The following GAB2 variants were observed in gnomAD, a reference collection of about 807,000 sequenced individuals.
GAB2 encodes the protein GRB2-associated-binding protein 2.
In GAB2, 26 loss-of-function variants were observed where a neutral mutation model predicts 65.5. The observed-to-expected ratio is 0.40, with a 90% CI of 0.29 to 0.55. The LOEUF is 0.55. Ranked by LOEUF, GAB2 falls within the 20% of genes least tolerant of loss-of-function variation. The pLI is 0.53. For missense variants in GAB2, 884 were observed against 875.8 expected (o/e 1.01, Z -0.12); for synonymous variants, 321 against 329.6 (o/e 0.97, Z 0.28).
intron 1 of GAB2, among the ~76,000 whole-genome samples, chr11:78,307,099 A>C (rs1051608885): frequency 6.6e-6 from 1 of 152,222 alleles, no homozygotes; most frequent in Non-Finnish European, 1.5e-5. Context: ...AAGCATTCTA[A>C]GAAAAGTTAG....
chr11:78,396,038 G>A (rs992798295), intron 1 of GAB2, among the ~76,000 whole-genome samples: 9 of 152,178 alleles, frequency 5.9e-5, no homozygotes, highest in Non-Finnish European at 1.2e-4. Context: ...TCTTGCAGGT[G>A]AATGCTGATC....
At chr11:78,321,600 T>C (rs1157329009) in intron 1 of GAB2, among the ~76,000 whole-genome samples, 1 of 152,130 alleles carries the variant, frequency 6.6e-6, no homozygotes, top group Admixed American at 6.6e-5. Flanking sequence ...TTTATAAACA[T>C]TGTACTAGAG....
intron 1 of GAB2, among the ~76,000 whole-genome samples, chr11:78,335,847 A>G (rs1461048598): frequency 2.0e-5 from 3 of 152,084 alleles, no homozygotes; most frequent in African/African-American, 7.2e-5. Context: ...AACAATATTA[A>G]TTCTTCCAAT....
intron 1 of GAB2, among the ~76,000 whole-genome samples, chr11:78,340,542 T>G (rs1199206972): frequency 6.8e-6 from 1 of 146,188 alleles, no homozygotes; most frequent in Non-Finnish European, 1.5e-5. Flanking sequence ...ATTCCACAAA[T>G]GAAGATGAAC....
At chr11:78,413,404 G>C (rs889890988) in intron 1 of GAB2, among the ~76,000 whole-genome samples, 1 of 152,194 alleles carries the variant, frequency 6.6e-6, no homozygotes, top group Non-Finnish European at 1.5e-5. Flanking sequence ...TGTCAGCCAA[G>C]ATAAGAGGAA....
intron 2 of GAB2, among the ~76,000 whole-genome samples, chr11:78,252,010 T>C (rs936124359): frequency 6.6e-6 from 1 of 152,282 alleles, no homozygotes; most frequent in Non-Finnish European, 1.5e-5. Context: ...TTTAAAGATG[T>C]AATCTTAGGC....
chr11:78,414,981 C>T (rs953949086), intron 1 of GAB2, among the ~76,000 whole-genome samples: 1 of 152,184 alleles, frequency 6.6e-6, no homozygotes, highest in Non-Finnish European at 1.5e-5. Context: ...ACGCGATTCT[C>T]ATGTCTCAGC....
chr11:78,297,405 T>C (rs1866862148), intron 1 of GAB2, among the ~76,000 whole-genome samples: 1 of 152,192 alleles, frequency 6.6e-6, no homozygotes, highest in Non-Finnish European at 1.5e-5. Context: ...AGAATATCCA[T>C]ATTTTTTGGG....
intron 1 of GAB2, among the ~76,000 whole-genome samples, chr11:78,410,992 T>TA (rs35722647): frequency 0.17 from 24,504 of 146,908 alleles, 2,534 homozygotes; most frequent in East Asian, 0.38. Flanking sequence ...CTACAAATAA[T>TA]AAAAAAAAAA....
At chr11:78,243,132 CCAGTATGGGCGA>C (rs1408951669) in intron 3 of GAB2, among the ~76,000 whole-genome samples, 1 of 149,308 alleles carries the variant, frequency 6.7e-6, no homozygotes, top group Non-Finnish European at 1.5e-5. Flanking sequence ...ACCGTACTCT[CCAGTATGGGCGA>C]CAGAGTGAGA....
At chr11:78,250,438 G>A in intron 2 of GAB2, 38 bp from the exon 3 acceptor site, 1 of 1,592,982 alleles carries the variant, frequency 6.3e-7, no homozygotes, top group East Asian at 2.2e-5. Context: ...GAAAAAGGAA[G>A]GAAATGTATC....
intron 1 of GAB2, among the ~76,000 whole-genome samples, chr11:78,318,500 C>T (rs910097910): frequency 6.6e-6 from 1 of 151,366 alleles, no homozygotes; most frequent in Non-Finnish European, 1.5e-5. Context: ...TTGGCAACAG[C>T]ATAGATGAGG....
At chr11:78,288,700 A>G (rs1009697384) in intron 1 of GAB2, among the ~76,000 whole-genome samples, 6 of 152,224 alleles carry the variant, frequency 3.9e-5, no homozygotes, top group African/African-American at 1.4e-4. Flanking sequence ...AAATAAATGA[A>G]GAGACATACC....
At chr11:78,359,096 G>A (rs777805846) in intron 1 of GAB2, among the ~76,000 whole-genome samples, 2 of 152,122 alleles carry the variant, frequency 1.3e-5, no homozygotes, top group African/African-American at 2.4e-5. Context: ...TTTAAGAGAC[G>A]TGGATGATAG....
intron 1 of GAB2, chr11:78,392,543 A>G (rs1481540564): frequency 3.3e-5 from 5 of 152,222 alleles, no homozygotes; most frequent in Admixed American, 6.5e-5. Flanking sequence ...ATGCAAGTAC[A>G]TAATAGGTAT....
At chr11:78,221,929 A>G in intron 7 of GAB2, 150 bp from the exon 8 acceptor site, 1 of 681,278 alleles carries the variant, frequency 1.5e-6, no homozygotes, top group East Asian at 2.7e-5. Context: ...TAGGGCAGGT[A>G]TAATTATTCT....
At chr11:78,220,547 A>G (rs1015915283) in intron 8 of GAB2, 103 bp from the exon 9 acceptor site, 4 of 927,826 alleles carry the variant, frequency 4.3e-6, no homozygotes, top group South Asian at 3.5e-5. Flanking sequence ...CCTGAGCCCT[A>G]CTCTGACACA....
At chr11:78,412,088 A>G (rs1180967765) in intron 1 of GAB2, among the ~76,000 whole-genome samples, 1 of 151,464 alleles carries the variant, frequency 6.6e-6, no homozygotes, top group Non-Finnish European at 1.5e-5. Flanking sequence ...TGGGGAGCCG[A>G]GATCATGCCA....
At chr11:78,411,060 G>A (rs1382553152) in intron 1 of GAB2, among the ~76,000 whole-genome samples, 2 of 150,232 alleles carry the variant, frequency 1.3e-5, no homozygotes, top group Non-Finnish European at 3.0e-5. Flanking sequence ...GGCTGAGACA[G>A]TAGGATCACC....
Sources: gnomAD v4.1 joint callset for allele counts (sites outside exome capture counted in the v4.1 genomes callset) on GRCh38, gnomAD v4.1.1 for gene constraint, MANE v1.5 for transcripts, NCBI Gene and HGNC (gene_info 2026-07-23, HGNC 2026-07-21) for gene names.